The following ATP11B variants were observed in gnomAD, a reference collection of about 807,000 sequenced individuals.
ATP11B encodes ATPase phospholipid transporting 11B (putative), also known as phospholipid-transporting ATPase IF.
ATP11B carries 81 observed loss-of-function variants against 157.8 expected under a neutral mutation model. The ratio of observed to expected loss-of-function variants is 0.51; its 90% confidence interval spans 0.43 to 0.62. The LOEUF (loss-of-function observed/expected upper bound fraction) is 0.62. Ranked by LOEUF, ATP11B falls within the 20% of genes least tolerant of loss-of-function variation. The pLI is 0.00. For synonymous variants in ATP11B, 451 were observed against 469.4 expected (o/e 0.96, Z 0.51); for missense variants, 1,165 against 1,402.2 (o/e 0.83, Z 2.70).
At chr3:182,817,127 G>C (rs1717012815) in intron 1 of ATP11B, among the ~76,000 whole-genome samples, 1 of 152,026 alleles carries the variant, frequency 6.6e-6, no homozygotes, top group African/African-American at 2.4e-5. Context: ...AGAATGCATA[G>C]GTAGATATTA....
chr3:182,843,031 A>G (rs566794445), intron 8 of ATP11B, among the ~76,000 whole-genome samples: 2 of 152,328 alleles, frequency 1.3e-5, no homozygotes, highest in South Asian at 4.1e-4. Context: ...TCTTTCAGGC[A>G]TCTGGTATTA....
At chr3:182,867,209 A>T (rs1445319635) in intron 14 of ATP11B, among the ~76,000 whole-genome samples, 167 bp from the exon 15 acceptor site, 2 of 148,270 alleles carry the variant, frequency 1.3e-5, no homozygotes, top group Non-Finnish European at 2.9e-5. Flanking sequence ...GATGACAGGC[A>T]TGAGCCACCA....
At chr3:182,872,590 A>T (rs1401689814) in intron 18 of ATP11B, 53 bp downstream of exon 18, 3 of 1,404,526 alleles carry the variant, frequency 2.1e-6, no homozygotes, top group African/African-American at 2.9e-5. Context: ...GAATTTTTGT[A>T]ACCAAGTATT....
In ATP11B at chr3:182,836,422, T is replaced by A; in HGVS notation, c.504T>A (p.Gly168=). 6.2e-7 allele frequency: 1 copy of A among 1,613,952 alleles called. No individual in the cohort carries two copies. The highest frequency in any genetic ancestry group is 2.2e-5 in the East Asian group (1 of 44,868). The change falls in exon 6 of 30, where the codon GGT becomes GGA. Residue 168 remains glycine, a synonymous_variant. Transcript: ENST00000323116. The stretch of plus-strand genomic sequence containing the variant: ...TTCTGTCCTCAGATCGACTGGATGG[T>A]TCCTGTCACGTTACAACTGCTAGTT... ...LVLLSSDRLD[G]SCHVTTASLD...
At position 182,873,863 on chromosome 3, in the gene ATP11B, C is replaced by T; in HGVS notation, c.2100C>T (p.Ile700=). The T allele has an allele frequency of 6.2e-7, 1 of 1,614,136 alleles. No homozygotes were observed. Among genetic ancestry groups the T allele is most frequent in the Non-Finnish European group, 8.5e-7 (1 of 1,180,010 alleles). ...ETIEALRMAG[I]KVWVLTGDKH... ...TTGAAGCATTGAGAATGGCTGGTAT[C>T]AAAGTATGGGTACTTACTGGGGATA... Residue 700 remains isoleucine (I), a synonymous_variant, in exon 19 of 30, where the codon ATC becomes ATT. Transcript: ENST00000323116.
chr3:182,802,233 C>G (rs2108483924), intron 1 of ATP11B, among the ~76,000 whole-genome samples: 1 of 152,280 alleles, frequency 6.6e-6, no homozygotes, highest in African/African-American at 2.4e-5. Flanking sequence ...CTACCTCTTA[C>G]CTAGATTATT....
intron 28 of ATP11B, chr3:182,905,670 G>A (rs953268576): frequency 5.4e-5 from 23 of 423,550 alleles, no homozygotes; most frequent in Non-Finnish European, 1.1e-4. Context: ...TAAATGTACT[G>A]TTCTTTGAAC....
At chr3:182,802,236 A>G (rs1157480767) in intron 1 of ATP11B, among the ~76,000 whole-genome samples, 1 of 152,092 alleles carries the variant, frequency 6.6e-6, no homozygotes, top group Non-Finnish European at 1.5e-5. Context: ...CCTCTTACCT[A>G]GATTATTGCA....
At chr3:182,902,471 C>A in intron 28 of ATP11B, 1 of 1,285,416 alleles carries the variant, frequency 7.8e-7, no homozygotes, top group Non-Finnish European at 1.0e-6. Context: ...CCTTTTCTGT[C>A]CACTTATAGA....
At chr3:182,818,250 G>C (rs1717087480) in intron 1 of ATP11B, among the ~76,000 whole-genome samples, 1 of 152,182 alleles carries the variant, frequency 6.6e-6, no homozygotes, top group African/African-American at 2.4e-5. Flanking sequence ...AACTTCCTGT[G>C]AACCTCTTTT....
chr3:182,856,994 A>C (rs972191325), intron 10 of ATP11B, among the ~76,000 whole-genome samples: 6 of 152,370 alleles, frequency 3.9e-5, no homozygotes, highest in African/African-American at 1.4e-4. Flanking sequence ...ACTTAAAGAC[A>C]TGTGGCATTA....
intron 7 of ATP11B, among the ~76,000 whole-genome samples, chr3:182,837,574 A>G (rs925080200): frequency 2.0e-5 from 3 of 152,182 alleles, no homozygotes; most frequent in South Asian, 2.1e-4. Context: ...CTTTTAAATT[A>G]GAGGATACTA....
intron 25 of ATP11B, among the ~76,000 whole-genome samples, chr3:182,889,892 T>C (rs1723063103): frequency 6.6e-6 from 1 of 152,220 alleles, no homozygotes; most frequent in Non-Finnish European, 1.5e-5. Context: ...TGCTAAGTAC[T>C]TTAATATGCC....
intron 25 of ATP11B, among the ~76,000 whole-genome samples, chr3:182,893,695 T>G (rs999903564): frequency 1.3e-5 from 2 of 152,216 alleles, no homozygotes; most frequent in Admixed American, 6.5e-5. Context: ...TCTTTTCCTC[T>G]GGGTAGATAG....
At chr3:182,846,507 C>G (rs139660432) in intron 9 of ATP11B, among the ~76,000 whole-genome samples, 2 of 152,010 alleles carry the variant, frequency 1.3e-5, no homozygotes, top group African/African-American at 2.4e-5. Flanking sequence ...AGTGTTCAAA[C>G]GAAAACTTCT....
intron 17 of ATP11B, among the ~76,000 whole-genome samples, chr3:182,872,048 C>T (rs1394419803): frequency 6.6e-6 from 1 of 152,198 alleles, no homozygotes; most frequent in African/African-American, 2.4e-5. Flanking sequence ...ATCTCCTGAC[C>T]TCATGATCCG....
intron 17 of ATP11B, 49 bp from the exon 18 acceptor site, chr3:182,872,307 T>C: frequency 1.5e-6 from 2 of 1,331,740 alleles, no homozygotes; most frequent in Non-Finnish European, 2.1e-6. Context: ...ATTTTCTGTT[T>C]GTTGTTTGTG....
chr3:182,830,944 A>AT (rs1718087894), intron 4 of ATP11B, among the ~76,000 whole-genome samples: 1 of 152,148 alleles, frequency 6.6e-6, no homozygotes, highest in Admixed American at 6.5e-5. Context: ...AACAGATGTC[A>AT]TTTATTTCAA....
intron 25 of ATP11B, among the ~76,000 whole-genome samples, chr3:182,896,440 G>A (rs964453530): frequency 7.2e-5 from 11 of 152,180 alleles, no homozygotes; most frequent in Admixed American, 4.6e-4. Context: ...AAAATAGTCT[G>A]TGCCACACCA....
Sources: allele counts gnomAD v4.1 joint callset (sites outside exome capture counted in the v4.1 genomes callset), GRCh38; gene constraint gnomAD v4.1.1; transcripts MANE v1.5; gene names NCBI Gene and HGNC (gene_info 2026-07-23, HGNC 2026-07-21).